MINDY4: variants seen among roughly 807,000 people sequenced by gnomAD.
MINDY4 encodes MINDY lysine 48 deubiquitinase 4.
A neutral mutation model predicts 87.0 loss-of-function variants in MINDY4; 68 were observed. The observed-to-expected ratio is 0.78, with a 90% CI of 0.64 to 0.96. The LOEUF (loss-of-function observed/expected upper bound fraction) is 0.96, where lower values mean the gene tolerates loss of function less well. Among genes scored for constraint, MINDY4 ranks in the 40% least tolerant of loss-of-function variants. The probability of loss-of-function intolerance (pLI) is 0.00; values close to 1 mark genes in which losing one functional copy is unlikely to be tolerated. For synonymous variants in MINDY4, 379 were observed against 363.2 expected (o/e 1.04, Z -0.50); for missense variants, 919 against 928.2 (o/e 0.99, Z 0.13).
intron 15 of MINDY4, among the ~76,000 whole-genome samples, chr7:30,879,091 CTG>C (rs1288809574): frequency 2.0e-5 from 3 of 152,224 alleles, no homozygotes; most frequent in Non-Finnish European, 4.4e-5. Context: ...TCCTCTGAGA[CTG>C]TTGTGAGCTG....
At chr7:30,833,184 A>G (rs1336816727) in intron 6 of MINDY4, among the ~76,000 whole-genome samples, 1 of 152,188 alleles carries the variant, frequency 6.6e-6, no homozygotes, top group South Asian at 2.1e-4. Context: ...AAGAAATTGT[A>G]TTAGTCCATT....
chr7:30,853,771 A>T (rs1014825184), intron 12 of MINDY4, among the ~76,000 whole-genome samples: 2 of 152,290 alleles, frequency 1.3e-5, no homozygotes, highest in Non-Finnish European at 2.9e-5. Context: ...TGTTAGATGG[A>T]GGTCACCAGA....
chr7:30,839,132 T>C, intron 7 of MINDY4, 68 bp from the exon 8 acceptor site: 1 of 999,540 alleles, frequency 1.0e-6, no homozygotes, highest in Non-Finnish European at 1.5e-6. Context: ...TGCAGGAATA[T>C]GCACACTGAA....
At chr7:30,776,865 G>A (rs1786834033) in intron 1 of MINDY4, among the ~76,000 whole-genome samples, 1 of 152,204 alleles carries the variant, frequency 6.6e-6, no homozygotes, top group African/African-American at 2.4e-5. Flanking sequence ...CACATAGGAG[G>A]TGCATGACAG....
At chr7:30,859,115 G>A (rs1311904810) in intron 12 of MINDY4, 142 bp from the exon 13 acceptor site, 2 of 785,938 alleles carry the variant, frequency 2.5e-6, no homozygotes, top group East Asian at 2.6e-5. Context: ...CAGCCTTCGG[G>A]CCACCCAGCA....
chr7:30,847,192 A>C (rs1789247542), intron 9 of MINDY4, among the ~76,000 whole-genome samples: 1 of 152,222 alleles, frequency 6.6e-6, no homozygotes, highest in South Asian at 2.1e-4. Flanking sequence ...TGATCACTGT[A>C]CTTTTTCCAA....
chr7:30,873,164 C>T (rs1343380775), intron 14 of MINDY4, among the ~76,000 whole-genome samples: 4 of 152,288 alleles, frequency 2.6e-5, no homozygotes, highest in South Asian at 4.1e-4. Context: ...ACAGAGGGAC[C>T]GTGGGGTTGG....
chr7:30,875,428 T>G (rs1202121016), intron 14 of MINDY4, 67 bp from the exon 15 acceptor site: 2 of 1,561,904 alleles, frequency 1.3e-6, no homozygotes, highest in Non-Finnish European at 1.8e-6. Context: ...CTTTCCCCAG[T>G]CTCCTCTCCA....
chr7:30,814,692 A>C, intron 5 of MINDY4, among the ~76,000 whole-genome samples: 1 of 152,248 alleles, frequency 6.6e-6, no homozygotes, highest in South Asian at 2.1e-4. Context: ...GGTCATAGAA[A>C]GGTAAATCAA....
chr7:30,857,167 C>T (rs1368096985), intron 12 of MINDY4, among the ~76,000 whole-genome samples: 1 of 152,220 alleles, frequency 6.6e-6, no homozygotes, highest in Non-Finnish European at 1.5e-5. Context: ...GCATAGTCAG[C>T]TTGCCCTCTC....
At chr7:30,875,722 G>A in intron 15 of MINDY4, 66 bp downstream of exon 15, 1 of 1,518,628 alleles carries the variant, frequency 6.6e-7, no homozygotes, top group Non-Finnish European at 8.9e-7. Flanking sequence ...GAGGAGGGAA[G>A]TGGGGAAGGA....
intron 6 of MINDY4, among the ~76,000 whole-genome samples, chr7:30,829,916 G>A (rs746487318): frequency 1.3e-5 from 2 of 150,890 alleles, no homozygotes; most frequent in African/African-American, 5.0e-5. Context: ...GCTGTTTGAA[G>A]TGTGTGTGTG....
intron 1 of MINDY4, among the ~76,000 whole-genome samples, chr7:30,777,291 CA>C: frequency 6.6e-6 from 1 of 152,108 alleles, no homozygotes; most frequent in East Asian, 1.9e-4. Flanking sequence ...AAGAATTATC[CA>C]TCAGAGAGAG....
rs539145651 is a variant in MINDY4, at chr7:30,780,699, A to G, written c.184-1278A>G. 2.6e-5 allele frequency: 4 copies of G among 152,350 alleles called. No homozygotes were observed. The South Asian group carries it at 6.2e-4, about 24-fold the overall frequency. 9.4% of individuals were successfully genotyped at this position (152,350 alleles called of 1,614,324 possible). ...AGGTATAGGATAGATAAAAATGCCT[A>G]TGTAAATTGAGATTTTGAAAAACAA... is the stretch of plus-strand genomic sequence containing the variant. On this transcript the variant is annotated intron_variant, in intron 2 of 17. Coordinates refer to ENST00000265299, the MANE Select transcript of MINDY4 (RefSeq NM_032222.3).
intron 17 of MINDY4, among the ~76,000 whole-genome samples, chr7:30,884,860 G>C (rs1790582332): frequency 7.1e-6 from 1 of 141,714 alleles, no homozygotes; most frequent in Non-Finnish European, 1.5e-5. Flanking sequence ...TGCAGAGTGA[G>C]AGTCTTAGTG....
chr7:30,783,277 T>TA (rs914324679), intron 3 of MINDY4, among the ~76,000 whole-genome samples: 14 of 152,182 alleles, frequency 9.2e-5, no homozygotes, highest in African/African-American at 3.4e-4. Flanking sequence ...CTTGTGTTGT[T>TA]ACATCTCCTA....
chr7:30,867,595 A>G (rs188566495), intron 13 of MINDY4, among the ~76,000 whole-genome samples: 15 of 152,328 alleles, frequency 9.8e-5, no homozygotes, highest in Non-Finnish European at 1.5e-4. Context: ...TTAGAGCCCA[A>G]GTTCTCTTGG....
At chr7:30,863,420 G>T (rs1378827842) in intron 13 of MINDY4, among the ~76,000 whole-genome samples, 1 of 152,212 alleles carries the variant, frequency 6.6e-6, no homozygotes, top group Admixed American at 6.5e-5. Context: ...GATGACATGG[G>T]TGTTGGTGGT....
At chr7:30,800,282 G>T (rs1284007128) in intron 5 of MINDY4, among the ~76,000 whole-genome samples, 1 of 152,188 alleles carries the variant, frequency 6.6e-6, no homozygotes, top group African/African-American at 2.4e-5. Context: ...CTGGTGAGAT[G>T]GGCCAAGCAG....
Sources: allele counts gnomAD v4.1 joint callset (sites outside exome capture counted in the v4.1 genomes callset), GRCh38; gene constraint gnomAD v4.1.1; transcripts MANE v1.5; gene names NCBI Gene and HGNC (gene_info 2026-07-23, HGNC 2026-07-21).